CKAP2L: variants seen among roughly 807,000 people sequenced by gnomAD.
The protein encoded by CKAP2L is cytoskeleton-associated protein 2-like.
In CKAP2L, 42 loss-of-function variants were observed where a neutral mutation model predicts 65.7. The observed-to-expected ratio is 0.64, with a 90% CI of 0.50 to 0.83. The LOEUF is 0.83. CKAP2L is among the 40% of genes least tolerant of loss of function. The probability of loss-of-function intolerance (pLI) is 0.00; values close to 1 mark genes in which losing one functional copy is unlikely to be tolerated. For synonymous variants in CKAP2L, 325 were observed against 313.5 expected, an observed-to-expected ratio of 1.04 and a Z score of -0.39; for missense variants, 908 against 871.0, an observed-to-expected ratio of 1.04 and a Z score of -0.53.
At chr2:112,759,531 G>T (rs1680652312) in intron 3 of CKAP2L, among the ~76,000 whole-genome samples, 1 of 152,098 alleles carries the variant, frequency 6.6e-6, no homozygotes, top group Non-Finnish European at 1.5e-5. Context: ...CTGATGTACT[G>T]AAGTCAGTAT....
intron 4 of CKAP2L, among the ~76,000 whole-genome samples, chr2:112,752,934 T>G (rs1378531523): frequency 6.6e-6 from 1 of 152,170 alleles, no homozygotes; most frequent in African/African-American, 2.4e-5. Context: ...CCTAGTTCCT[T>G]AGCCCTCTCT....
chr2:112,757,385 GTTTTTTTTTTTTT>G (rs11311328), intron 3 of CKAP2L, among the ~76,000 whole-genome samples, 171 bp from the exon 4 acceptor site: 2 of 87,436 alleles, frequency 2.3e-5, no homozygotes, highest in Admixed American at 1.3e-4. Flanking sequence ...TAGTTTTTGT[GTTTTTTTTTTTTT>G]TTTTTTTTTG....
In CKAP2L at chr2:112,738,927, C is replaced by A; in HGVS notation, c.2134G>T (p.Ala712Ser). The stretch of plus-strand genomic sequence containing the variant: ...ACTTCTAACAGTTCATCAAGAGAAG[C>A]CACTACTAAATCGTGTTCCTGCAGC... ...EMLQEHDLVV[A>S]SLDELLEVEE... is the part of the protein sequence containing the mutation. Residue 712 changes from alanine (A) to serine (S), a missense_variant, in exon 9 of 9, where the codon GCT becomes TCT. Transcript: ENST00000302450. 1 of 1,614,074 alleles carries A rather than the reference C, an allele frequency of 6.2e-7. No homozygotes were observed. Among genetic ancestry groups the A allele is most frequent in the Non-Finnish European group, 8.5e-7 (1 of 1,179,966 alleles).
rs764428712 is a variant in CKAP2L, at chr2:112,752,396, T to G, written c.1473A>C (p.Lys491Asn). 2 of 1,612,636 alleles carry G rather than the reference T, an allele frequency of 1.2e-6. No homozygotes were observed. Among genetic ancestry groups the G allele is most frequent in the South Asian group, 1.1e-5 (1 of 90,980 alleles). ...ATGAAATATTCATTTCCTTTATTAC[T>G]TTTCTTTTTGTTTTAAGTTCCATAG... Reference protein sequence around the residue: ...RPPMELKTKRKVIKEMNISFW... With the variant: ...RPPMELKTKRNVIKEMNISFW... The change falls in exon 5 of 9, where the codon AAA (lysine) becomes AAC (asparagine). Residue 491 changes from lysine to asparagine, a missense_variant. Transcript: ENST00000302450.
chr2:112,764,061 T>G, intron 1 of CKAP2L: 1 of 167,986 alleles, frequency 6.0e-6, no homozygotes, highest in South Asian at 1.2e-4. Flanking sequence ...GCAGAAGCCT[T>G]AGCCCTGGGT....
chr2:112,741,888 G>A (rs535432839), intron 7 of CKAP2L, among the ~76,000 whole-genome samples: 335 of 147,576 alleles, frequency 2.3e-3, no homozygotes, highest in African/African-American at 8.1e-3. Context: ...AGCCTCCTGA[G>A]TATCTGGGAT....
chr2:112,738,785 G>C lies in CKAP2L; in HGVS notation c.*38C>G. ...ACAAGAATATTTCTTGTCTTATGTTGGTTCTGAAACACCTTTTTTAAAAAA... is the reference window on the plus strand; with the variant it reads ...ACAAGAATATTTCTTGTCTTATGTTCGTTCTGAAACACCTTTTTTAAAAAA... On this transcript the variant is annotated 3_prime_UTR_variant, in exon 9 of 9. Coordinates refer to ENST00000302450, the MANE Select transcript of CKAP2L (RefSeq NM_152515.5). 1 of 1,343,190 alleles carries C rather than the reference G, an allele frequency of 7.4e-7. No individual in the cohort carries two copies. Among genetic ancestry groups the C allele is most frequent in the Non-Finnish European group, 1.1e-6 (1 of 935,404 alleles). 83.2% of individuals were successfully genotyped at this position (1,343,190 alleles called of 1,614,324 possible).
Position 112,739,532 on chromosome 2 carries a change from T to C in CKAP2L, c.2013-484A>G, listed in dbSNP as rs139062054. Among the ~76,000 whole-genome samples, 439 of 152,360 alleles carry C rather than the reference T, an allele frequency of 2.9e-3. 8 individuals are homozygous for C. In the East Asian group the frequency reaches 0.031, roughly 11 times the overall value. On this transcript the variant is annotated intron_variant, in intron 8 of 8. Coordinates refer to ENST00000302450, the MANE Select transcript of CKAP2L (RefSeq NM_152515.5). ...ATGAAGTATGAAGTGTGGTTTTTAT[T>C]TGAAGTCAAATATTTGGCAGTTGGT...
At chr2:112,764,475 C>A (rs914348172) in intron 1 of CKAP2L, 87 bp downstream of exon 1, 1 of 1,460,248 alleles carries the variant, frequency 6.8e-7, no homozygotes, top group Admixed American at 1.7e-5. Flanking sequence ...ACGGGCACCT[C>A]CCGCGGGACG....
chr2:112,753,932 C>T (rs376986899), intron 4 of CKAP2L, among the ~76,000 whole-genome samples: 44 of 152,264 alleles, frequency 2.9e-4, no homozygotes, highest in South Asian at 2.1e-4. Context: ...CTGTAATTAC[C>T]GTGTCTTATT....
chr2:112,762,391 C>T, intron 2 of CKAP2L, 112 bp downstream of exon 2: 1 of 775,240 alleles, frequency 1.3e-6, no homozygotes, highest in Non-Finnish European at 2.3e-6. Flanking sequence ...TCATAGAATC[C>T]CAGTGCAGTC....
intron 7 of CKAP2L, among the ~76,000 whole-genome samples, chr2:112,741,220 T>G (rs1679936900): frequency 6.6e-6 from 1 of 152,184 alleles, no homozygotes; most frequent in African/African-American, 2.4e-5. Flanking sequence ...GCTACCCTCG[T>G]AGCCAGCCCC....
chr2:112,759,930 A>G (rs1379116742), intron 3 of CKAP2L, among the ~76,000 whole-genome samples: 2 of 151,876 alleles, frequency 1.3e-5, no homozygotes, highest in Non-Finnish European at 2.9e-5. Context: ...GCATATGCAT[A>G]TGACTGAAAT....
At position 112,738,933 on chromosome 2, in the gene CKAP2L, C is replaced by T. The variant is rs1246284782; in HGVS notation, c.2128G>A (p.Val710Ile). The change falls in exon 9 of 9, where the codon GTA becomes ATA. Residue 710 changes from valine to isoleucine, a missense_variant. Physicochemically the swap from Val to Ile is conservative, Grantham distance 29. Transcript: ENST00000302450. ...AACAGTTCATCAAGAGAAGCCACTACTAAATCGTGTTCCTGCAGCATTTCT... is the reference window on the plus strand; with the variant it reads ...AACAGTTCATCAAGAGAAGCCACTATTAAATCGTGTTCCTGCAGCATTTCT... ...YPEMLQEHDL[V>I]VASLDELLEV... is the part of the protein sequence containing the mutation. 2.5e-6 allele frequency: 4 copies of T among 1,614,080 alleles called. No homozygotes were observed. Among genetic ancestry groups the T allele is most frequent in the Non-Finnish European group, 3.4e-6 (4 of 1,180,026 alleles).
Position 112,762,528 on chromosome 2 carries a change from C to T in CKAP2L, c.79G>A (p.Gly27Arg). The T allele has an allele frequency of 6.2e-7, 1 of 1,614,044 alleles. No individual in the cohort carries two copies. Among genetic ancestry groups the T allele is most frequent in the East Asian group, 2.2e-5 (1 of 44,882 alleles). The stretch of plus-strand genomic sequence containing the variant: ...TTGGTGTTTTGGCTCTTCAGTTTTC[C>T]CTTGGCTGCAAGGTACTCCTGAAGC... Reference protein sequence around the residue: ...RKLQEYLAAKGKLKSQNTKPY... With the variant: ...RKLQEYLAAKRKLKSQNTKPY... The change falls in exon 2 of 9, where the codon GGA (glycine) becomes AGA (arginine). Residue 27 changes from glycine to arginine, a missense_variant. Coordinates refer to ENST00000302450, the MANE Select transcript of CKAP2L (RefSeq NM_152515.5).
chr2:112,740,651 C>A (rs992419494), intron 8 of CKAP2L, among the ~76,000 whole-genome samples, 167 bp downstream of exon 8: 2 of 152,074 alleles, frequency 1.3e-5, no homozygotes, highest in South Asian at 4.1e-4. Flanking sequence ...AAAAGGTAGG[C>A]GAGACCATAG....
Position 112,738,902 on chromosome 2 carries a change from A to G in CKAP2L, c.2159T>C (p.Val720Ala). Residue 720 changes from valine to alanine, a missense_variant, in exon 9 of 9, where the codon GTG (valine) becomes GCG (alanine). By Grantham distance (64) the Val-to-Ala change is moderately conservative (BLOSUM62 0). Transcript: ENST00000302450. Reference sequence around the variant, plus strand: ...GAATATAAAACATTTTGTTTCTTCCACTTCTAACAGTTCATCAAGAGAAGC... The same window carrying G: ...GAATATAAAACATTTTGTTTCTTCCGCTTCTAACAGTTCATCAAGAGAAGC... The part of the protein sequence containing the change: ...VVASLDELLE[V>A]EETKCFIFRR... The G allele has an allele frequency of 6.2e-7, 1 of 1,614,110 alleles. No individual in the cohort carries two copies. The highest frequency in any genetic ancestry group is 8.5e-7 in the Non-Finnish European group (1 of 1,179,964).
rs1679271517 is a variant in CKAP2L at position 112,736,904 on chromosome 2, A to T, written c.*1919T>A. The T allele has an allele frequency of 6.6e-6, 1 of 151,970 alleles. No homozygotes were observed. The highest frequency in any genetic ancestry group is 1.5e-5 in the Non-Finnish European group (1 of 68,014). 9.4% of individuals were successfully genotyped at this position (151,970 alleles called of 1,614,324 possible). A position where few individuals can be genotyped will look rare whatever the true frequency, so the allele number is the denominator to read the frequency against. ...AACACTGCCACAAACATGTGAGTGC[A>T]GATATCTTTATGAGGTGATGATTTC... is the stretch of plus-strand genomic sequence containing the variant. On this transcript the variant is annotated 3_prime_UTR_variant, in exon 9 of 9. Coordinates refer to ENST00000302450, the MANE Select transcript of CKAP2L (RefSeq NM_152515.5).
At position 112,759,651 on chromosome 2, in the gene CKAP2L, T is replaced by A. The variant is rs560396844; in HGVS notation, c.156+1062A>T. 7.6e-4 allele frequency among the ~76,000 whole-genome samples: 116 copies of A among 152,310 alleles called. 1 individual carries two copies. Among genetic ancestry groups the A allele is most frequent in the African/African-American group, 2.6e-3 (109 of 41,578 alleles). ...GTTCAATCTGCATAAAGTAAAAGTG[T>A]AACCCAGTGCTTCCCAAACGTTAAA... On this transcript the variant is annotated intron_variant, in intron 3 of 8. Coordinates refer to ENST00000302450, the MANE Select transcript of CKAP2L (RefSeq NM_152515.5).
Sources: allele counts gnomAD v4.1 joint callset (sites outside exome capture counted in the v4.1 genomes callset), GRCh38; gene constraint gnomAD v4.1.1; transcripts MANE v1.5; gene names NCBI Gene and HGNC (gene_info 2026-07-23, HGNC 2026-07-21).